UPP2: variants seen among roughly 807,000 people sequenced by gnomAD.
The protein encoded by UPP2 is UPase 2.
A neutral mutation model predicts 26.7 loss-of-function variants in UPP2; 23 were observed. The observed-to-expected ratio is 0.86, with a 90% CI of 0.62 to 1.22. UPP2 has a LOEUF of 1.22. Ranked by LOEUF, UPP2 falls within the 50% of genes most tolerant of loss-of-function variation. The probability of loss-of-function intolerance (pLI) is 0.00; values close to 1 mark genes in which losing one functional copy is unlikely to be tolerated. For synonymous variants in UPP2, 127 were observed against 141.3 expected (o/e 0.90, Z 0.72); for missense variants, 387 against 396.7 (o/e 0.98, Z 0.21).
intron 3 of UPP2, among the ~76,000 whole-genome samples, chr2:158,056,969 G>T (rs1682255543): frequency 6.6e-6 from 1 of 152,106 alleles, no homozygotes; most frequent in African/African-American, 2.4e-5. Flanking sequence ...CTTATCTTCT[G>T]ATGACTCAAC....
intron 3 of UPP2, among the ~76,000 whole-genome samples, chr2:158,076,224 C>T (rs1420254883): frequency 3.3e-5 from 5 of 152,000 alleles, no homozygotes; most frequent in Non-Finnish European, 7.4e-5. Context: ...GGCTTCACTG[C>T]TGAGTTTTAT....
intron 3 of UPP2, among the ~76,000 whole-genome samples, chr2:158,052,519 AC>A (rs1682176067): frequency 6.6e-6 from 1 of 152,182 alleles, no homozygotes; most frequent in African/African-American, 2.4e-5. Flanking sequence ...TGCCCTGGAC[AC>A]CAACAGTAGC....
In UPP2 at chr2:158,134,812, T is replaced by C; in HGVS notation, c.876T>C (p.Asp292=). The change falls in exon 7 of 7, where the codon GAT becomes GAC. Residue 292 remains aspartate, a synonymous_variant. Coordinates refer to ENST00000005756, the MANE Select transcript of UPP2 (RefSeq NM_173355.4). ...GTGATCAGATCAACTTGCCTCATGATGTCCTGGTGGAGTACCAGCAACGGC... is the reference window on the plus strand; with the variant it reads ...GTGATCAGATCAACTTGCCTCATGACGTCCTGGTGGAGTACCAGCAACGGC... The part of the protein sequence containing the change: ...LDCDQINLPH[D]VLVEYQQRPQ... 6.2e-7 allele frequency: 1 copy of C among 1,613,792 alleles called. No individual in the cohort carries two copies. Among genetic ancestry groups the C allele is most frequent in the Non-Finnish European group, 8.5e-7 (1 of 1,179,800 alleles).
upstream of UPP2, among the ~76,000 whole-genome samples, chr2:158,099,250 A>G (rs561906180): frequency 1.6e-4 from 24 of 152,316 alleles, no homozygotes; most frequent in Non-Finnish European, 2.6e-4. Context: ...CTCAGTTAAT[A>G]TTTATTGAAT....
chr2:158,017,817 C>T (rs1683684183), intron 3 of UPP2, among the ~76,000 whole-genome samples: 1 of 152,134 alleles, frequency 6.6e-6, no homozygotes, highest in South Asian at 2.1e-4. Context: ...TGCAATTCTT[C>T]GATTATATCA....
intron 1 of UPP2, among the ~76,000 whole-genome samples, chr2:158,105,717 A>G (rs4664924): frequency 0.53 from 81,246 of 152,082 alleles, 22,142 homozygotes; most frequent in Middle Eastern, 0.57. Context: ...TCCCATGCAA[A>G]GAAATTAGAT....
intron 3 of UPP2, among the ~76,000 whole-genome samples, chr2:158,075,884 G>T (rs1682622982): frequency 6.6e-6 from 1 of 151,344 alleles, no homozygotes; most frequent in Admixed American, 6.6e-5. Flanking sequence ...TAATAAAAAA[G>T]ATCAACAAAA....
chr2:158,008,949 A>C (rs890153708), intron 2 of UPP2, among the ~76,000 whole-genome samples: 1 of 152,216 alleles, frequency 6.6e-6, no homozygotes, highest in Non-Finnish European at 1.5e-5. Context: ...TTCCTTAGAA[A>C]GTTACCTAAG....
At chr2:158,126,159 C>A (rs28592926) in intron 6 of UPP2, among the ~76,000 whole-genome samples, 4,898 of 152,202 alleles carry the variant, frequency 0.032, 283 homozygotes, top group African/African-American at 0.11. Context: ...ATTCTAAGAG[C>A]CTTTCTGTCC....
chr2:158,093,306 A>ACACACACACAC (rs1553468441), intron 3 of UPP2, among the ~76,000 whole-genome samples: 2 of 147,300 alleles, frequency 1.4e-5, no homozygotes, highest in African/African-American at 5.0e-5. Context: ...ACACACACAC[A>ACACACACACAC]ATTAGAAAAA....
At chr2:158,102,418 G>A (rs1683096199) in intron 1 of UPP2, among the ~76,000 whole-genome samples, 2 of 152,240 alleles carry the variant, frequency 1.3e-5, no homozygotes, top group South Asian at 4.1e-4. Context: ...CAAATTCAAG[G>A]TTCAGCCTGG....
At chr2:158,130,467 A>AC (rs796503781) in intron 6 of UPP2, among the ~76,000 whole-genome samples, 128 of 144,466 alleles carry the variant, frequency 8.9e-4, no homozygotes, top group Middle Eastern at 7.6e-3. Flanking sequence ...AAAAACAAAA[A>AC]AAAAAAACCA....
chr2:158,093,271 T>TACACAC (rs57028617), intron 3 of UPP2, among the ~76,000 whole-genome samples: 1,720 of 137,502 alleles, frequency 0.013, 31 homozygotes, highest in African/African-American at 0.034. Flanking sequence ...AAAAGAAACA[T>TACACAC]ACACACACAC....
intron 3 of UPP2, among the ~76,000 whole-genome samples, chr2:158,050,696 T>A (rs1457277163): frequency 1.3e-5 from 2 of 152,220 alleles, no homozygotes; most frequent in Non-Finnish European, 2.9e-5. Flanking sequence ...ATAAAAATTC[T>A]ATTATTCCAG....
Position 158,102,126 on chromosome 2 carries a change from G to A in UPP2, c.62+1G>A, listed in dbSNP as rs1405164885. On this transcript the variant is annotated splice_donor_variant, in intron 1 of 6. Coordinates refer to ENST00000005756, the MANE Select transcript of UPP2 (RefSeq NM_173355.4). LOFTEE classifies it high-confidence loss of function. Reference sequence around the variant, plus strand: ...GATCTGACAGGAATACATATGTTGGGTGAGTAATTTTGATTTTGTAAATTT... The same window carrying A: ...GATCTGACAGGAATACATATGTTGGATGAGTAATTTTGATTTTGTAAATTT... 4 of 1,610,406 alleles carry A rather than the reference G, an allele frequency of 2.5e-6. No homozygotes were observed. The highest frequency in any genetic ancestry group is 3.4e-6 in the Non-Finnish European group (4 of 1,178,842).
At chr2:158,096,491 C>G (rs202140856) in intron 3 of UPP2, among the ~76,000 whole-genome samples, 1 of 152,088 alleles carries the variant, frequency 6.6e-6, no homozygotes, top group East Asian at 1.9e-4. Context: ...CCCAGCTACT[C>G]AGGAGGCTGA....
chr2:158,104,899 T>A (rs1262683303), intron 1 of UPP2, among the ~76,000 whole-genome samples: 2 of 138,214 alleles, frequency 1.4e-5, no homozygotes, highest in African/African-American at 2.7e-5. Context: ...CCAGCCTGGG[T>A]GACAGAGCGA....
rs1053365428 is a variant in UPP2 at position 158,078,251 on chromosome 2, C to G, written c.148-23789C>G. Among the ~76,000 whole-genome samples, 6 of 152,040 alleles carry G rather than the reference C, an allele frequency of 3.9e-5. 1 individual carries two copies. Among genetic ancestry groups the G allele is most frequent in the Admixed American group, 2.0e-4 (3 of 15,228 alleles). ...TCCTCAGAAAACAGTAAAATAGAGTCACCATATGATCCAGCAATCCCACTG... is the reference window on the plus strand; with the variant it reads ...TCCTCAGAAAACAGTAAAATAGAGTGACCATATGATCCAGCAATCCCACTG... On this transcript the variant is annotated intron_variant, in intron 3 of 9. Coordinates refer to the UPP2 transcript ENST00000605860.
At chr2:158,041,646 G>A (rs1684082562) in intron 3 of UPP2, among the ~76,000 whole-genome samples, 2 of 152,216 alleles carry the variant, frequency 1.3e-5, no homozygotes, top group African/African-American at 4.8e-5. Flanking sequence ...CAAAGATCTT[G>A]ATGCCAGTGT....
Sources: gnomAD v4.1 joint callset for allele counts (sites outside exome capture counted in the v4.1 genomes callset) on GRCh38, gnomAD v4.1.1 for gene constraint, MANE v1.5 for transcripts, NCBI Gene and HGNC (gene_info 2026-07-23, HGNC 2026-07-21) for gene names.